CNTNAP5: variants seen among roughly 807,000 people sequenced by gnomAD.
CNTNAP5 encodes the protein contactin associated protein family member 5, also known as contactin-associated protein-like 5.
A neutral mutation model predicts 150.2 loss-of-function variants in CNTNAP5; 72 were observed. The ratio of observed to expected loss-of-function variants is 0.48; its 90% confidence interval spans 0.40 to 0.58. The LOEUF (loss-of-function observed/expected upper bound fraction) is 0.58, where lower values mean the gene tolerates loss of function less well. Among genes scored for constraint, CNTNAP5 ranks in the 20% least tolerant of loss-of-function variants. CNTNAP5 has a pLI of 0.00. For missense variants in CNTNAP5, 1,636 were observed against 1,626.2 expected (o/e 1.01, Z -0.10); for synonymous variants, 672 against 619.8 (o/e 1.08, Z -1.25).
intron 1 of CNTNAP5, among the ~76,000 whole-genome samples, chr2:124,219,832 C>A (rs1686258337): frequency 6.6e-6 from 1 of 151,930 alleles, no homozygotes; most frequent in Non-Finnish European, 1.5e-5. Context: ...TATCTTCTGC[C>A]AGAGGTAAAA....
chr2:124,771,979 A>G (rs1185793364), intron 16 of CNTNAP5, among the ~76,000 whole-genome samples: 1 of 151,184 alleles, frequency 6.6e-6, no homozygotes. Flanking sequence ...GACCACCACC[A>G]TCATCATCAC....
intron 3 of CNTNAP5, among the ~76,000 whole-genome samples, chr2:124,283,328 G>T (rs1280520798): frequency 6.6e-6 from 1 of 152,190 alleles, no homozygotes; most frequent in African/African-American, 2.4e-5. Context: ...AGAGTGTGAT[G>T]CTGTTGGGAG....
intron 1 of CNTNAP5, among the ~76,000 whole-genome samples, chr2:124,081,620 T>C (rs1198878642): frequency 6.6e-6 from 1 of 152,218 alleles, no homozygotes; most frequent in African/African-American, 2.4e-5. Flanking sequence ...CTTATGGCTC[T>C]TGAGCATTAT....
At chr2:124,429,521 CCCT>C (rs1692319317) in intron 4 of CNTNAP5, among the ~76,000 whole-genome samples, 1 of 152,140 alleles carries the variant, frequency 6.6e-6, no homozygotes, top group African/African-American at 2.4e-5. Flanking sequence ...GTTTTGAAAA[CCCT>C]TTTCTCTCTC....
chr2:124,905,038 CAAAA>C (rs55882801), intron 22 of CNTNAP5, among the ~76,000 whole-genome samples: 1 of 50,740 alleles, frequency 2.0e-5, no homozygotes, highest in Admixed American at 1.9e-4. Context: ...AACTCAATAG[CAAAA>C]AAAAAAAAAA....
intron 11 of CNTNAP5, among the ~76,000 whole-genome samples, chr2:124,569,706 G>A (rs145941818): frequency 6.6e-6 from 1 of 152,054 alleles, no homozygotes; most frequent in African/African-American, 2.4e-5. Context: ...TCCTAACAAT[G>A]CCCTTTAGCT....
At chr2:124,194,183 TCTCTGCG>T (rs147389313) in intron 1 of CNTNAP5, among the ~76,000 whole-genome samples, 15 of 151,764 alleles carry the variant, frequency 9.9e-5, no homozygotes, top group Non-Finnish European at 1.3e-4. Context: ...CCATTTATTT[TCTCTGCG>T]CTACTGAACA....
At chr2:124,498,973 C>G (rs577579225) in intron 7 of CNTNAP5, among the ~76,000 whole-genome samples, 2 of 152,200 alleles carry the variant, frequency 1.3e-5, no homozygotes, top group Admixed American at 6.5e-5. Flanking sequence ...AAACCTAAGC[C>G]TCTAGAATTG....
At chr2:124,119,266 C>T (rs1683501839) in intron 1 of CNTNAP5, among the ~76,000 whole-genome samples, 1 of 151,832 alleles carries the variant, frequency 6.6e-6, no homozygotes, top group Non-Finnish European at 1.5e-5. Flanking sequence ...ATTGTTTATG[C>T]CTTTGATCAC....
intron 1 of CNTNAP5, among the ~76,000 whole-genome samples, chr2:124,170,137 G>C (rs376453685): frequency 6.6e-6 from 1 of 152,142 alleles, no homozygotes; most frequent in South Asian, 2.1e-4. Context: ...ACCACTAAAG[G>C]ATGACACAGG....
intron 1 of CNTNAP5, among the ~76,000 whole-genome samples, chr2:124,196,164 A>G (rs1471007905): frequency 6.6e-6 from 1 of 152,158 alleles, no homozygotes; most frequent in Non-Finnish European, 1.5e-5. Flanking sequence ...TAAATTGTTC[A>G]AGATATTACC....
At chr2:124,778,212 C>T (rs936874610) in intron 17 of CNTNAP5, among the ~76,000 whole-genome samples, 7 of 152,082 alleles carry the variant, frequency 4.6e-5, no homozygotes, top group Non-Finnish European at 1.0e-4. Flanking sequence ...AAAGAGCAAA[C>T]CAGAGAGGTG....
intron 3 of CNTNAP5, among the ~76,000 whole-genome samples, chr2:124,249,466 T>C (rs1196251740): frequency 6.6e-6 from 1 of 152,186 alleles, no homozygotes; most frequent in African/African-American, 2.4e-5. Context: ...GTCTCCACAA[T>C]CCTTTAGCTT....
chr2:124,814,549 C>A (rs1487288950), intron 19 of CNTNAP5, among the ~76,000 whole-genome samples: 1 of 151,446 alleles, frequency 6.6e-6, no homozygotes, highest in Non-Finnish European at 1.5e-5. Flanking sequence ...AGTGAAATTG[C>A]TTAAGAGCTT....
intron 12 of CNTNAP5, among the ~76,000 whole-genome samples, chr2:124,640,352 G>A (rs61619187): frequency 6.6e-6 from 1 of 152,138 alleles, no homozygotes; most frequent in Admixed American, 6.5e-5. Flanking sequence ...TCTGGAAGTC[G>A]TAAAGTGTGG....
chr2:124,908,573 G>C (rs1678588893), intron 22 of CNTNAP5, among the ~76,000 whole-genome samples: 1 of 152,064 alleles, frequency 6.6e-6, no homozygotes, highest in Non-Finnish European at 1.5e-5. Flanking sequence ...GCAATCATAA[G>C]GTCCTAGTAC....
chr2:124,812,633 A>G (rs1370938235), intron 19 of CNTNAP5, among the ~76,000 whole-genome samples: 1 of 152,216 alleles, frequency 6.6e-6, no homozygotes, highest in African/African-American at 2.4e-5. Flanking sequence ...ACGTCTTATC[A>G]TAACTCAGAC....
At chr2:124,288,330 CA>C (rs1558835454) in intron 3 of CNTNAP5, among the ~76,000 whole-genome samples, 2 of 152,144 alleles carry the variant, frequency 1.3e-5, no homozygotes, top group Admixed American at 6.5e-5. Flanking sequence ...CTGCTCAATT[CA>C]CCAATTATAC....
At chr2:124,372,523 C>T (rs1690552474) in intron 3 of CNTNAP5, among the ~76,000 whole-genome samples, 1 of 152,044 alleles carries the variant, frequency 6.6e-6, no homozygotes, top group African/African-American at 2.4e-5. Flanking sequence ...TTTCCTAATT[C>T]ACAAGACCTA....
Sources: allele counts gnomAD v4.1 joint callset (sites outside exome capture counted in the v4.1 genomes callset), GRCh38; gene constraint gnomAD v4.1.1; transcripts MANE v1.5; gene names NCBI Gene and HGNC (gene_info 2026-07-23, HGNC 2026-07-21).